Variants in PLCB1 observed in about 807,000 individuals in gnomAD.
PLCB1 encodes phospholipase C beta 1.
A neutral mutation model predicts 161.8 loss-of-function variants in PLCB1; 46 were observed. That is an observed-to-expected ratio of 0.28 (90% CI 0.22 to 0.36). The LOEUF (loss-of-function observed/expected upper bound fraction) is 0.36. Ranked by LOEUF, PLCB1 falls within the 10% of genes least tolerant of loss-of-function variation. PLCB1 has a pLI of 1.00. For missense variants in PLCB1, 1,016 were observed against 1,472.5 expected (o/e 0.69, Z 5.07); for synonymous variants, 517 against 503.7 (o/e 1.03, Z -0.35).
chr20:8,613,839 A>G (rs1161680394), intron 3 of PLCB1, among the ~76,000 whole-genome samples: 1 of 152,094 alleles, frequency 6.6e-6, no homozygotes, highest in African/African-American at 2.4e-5. Context: ...AATCAGAAAA[A>G]TTACAGTGAA....
intron 31 of PLCB1, among the ~76,000 whole-genome samples, chr20:8,851,283 C>G (rs1986875683): frequency 6.6e-6 from 1 of 152,186 alleles, no homozygotes; most frequent in African/African-American, 2.4e-5. Flanking sequence ...GCTTTTCACT[C>G]TTTTTCTTTA....
At chr20:8,247,848 G>A (rs1275184176) in intron 2 of PLCB1, among the ~76,000 whole-genome samples, 1 of 151,932 alleles carries the variant, frequency 6.6e-6, no homozygotes, top group African/African-American at 2.4e-5. Flanking sequence ...TCTTTCAAGT[G>A]TCCAGATTGC....
chr20:8,258,311 C>T (rs1393524935), intron 2 of PLCB1, among the ~76,000 whole-genome samples: 1 of 152,246 alleles, frequency 6.6e-6, no homozygotes, highest in East Asian at 1.9e-4. Context: ...TTATAGTTCT[C>T]TTCATAGATC....
At chr20:8,645,428 A>G (rs1233449318) in intron 4 of PLCB1, among the ~76,000 whole-genome samples, 4 of 152,250 alleles carry the variant, frequency 2.6e-5, no homozygotes, top group Admixed American at 2.6e-4. Flanking sequence ...TAGGGGTTTC[A>G]GCCCAGAATG....
intron 2 of PLCB1, among the ~76,000 whole-genome samples, chr20:8,190,339 G>T (rs2051954967): frequency 6.6e-6 from 1 of 152,034 alleles, no homozygotes; most frequent in African/African-American, 2.4e-5. Context: ...GCTATTGAAA[G>T]TATTTAGAGT....
intron 3 of PLCB1, among the ~76,000 whole-genome samples, chr20:8,421,106 A>G (rs1979520712): frequency 6.6e-6 from 1 of 152,214 alleles, no homozygotes; most frequent in African/African-American, 2.4e-5. Context: ...AAGAGTGAAC[A>G]GCATCATTAT....
chr20:8,879,990 C>A (rs1987914948), intron 31 of PLCB1, among the ~76,000 whole-genome samples: 1 of 152,066 alleles, frequency 6.6e-6, no homozygotes, highest in African/African-American at 2.4e-5. Flanking sequence ...CTTGGCATCC[C>A]CCAAGAGCTA....
intron 3 of PLCB1, among the ~76,000 whole-genome samples, chr20:8,574,920 T>C (rs1204493235): frequency 6.6e-6 from 1 of 152,088 alleles, no homozygotes; most frequent in Non-Finnish European, 1.5e-5. Context: ...TTCAATAAGA[T>C]GGTAAAGAGA....
At chr20:8,690,316 C>A (rs970893399) in intron 10 of PLCB1, among the ~76,000 whole-genome samples, 3 of 152,072 alleles carry the variant, frequency 2.0e-5, no homozygotes, top group Non-Finnish European at 4.4e-5. Flanking sequence ...TTACTTATTG[C>A]AAGGCAGTGG....
chr20:8,365,959 C>T (rs568118204), intron 2 of PLCB1, among the ~76,000 whole-genome samples: 5 of 151,912 alleles, frequency 3.3e-5, no homozygotes, highest in Non-Finnish European at 7.4e-5. Flanking sequence ...TGTATTTCCT[C>T]CTCAGTTTGA....
intron 2 of PLCB1, among the ~76,000 whole-genome samples, chr20:8,234,023 G>T (rs1980201164): frequency 6.6e-6 from 1 of 152,090 alleles, no homozygotes; most frequent in African/African-American, 2.4e-5. Flanking sequence ...TCATAGCATT[G>T]CTATGGGTAT....
intron 1 of PLCB1, among the ~76,000 whole-genome samples, chr20:8,146,111 T>G (rs1032070043): frequency 7.9e-5 from 12 of 151,664 alleles, no homozygotes; most frequent in East Asian, 1.9e-4. Flanking sequence ...TTTTGTTTTT[T>G]TTTTTTTTGG....
At chr20:8,694,995 A>G (rs1046624674) in intron 10 of PLCB1, among the ~76,000 whole-genome samples, 2 of 152,236 alleles carry the variant, frequency 1.3e-5, no homozygotes, top group Non-Finnish European at 2.9e-5. Flanking sequence ...CCTAATGCAG[A>G]AAAGACCTTT....
At chr20:8,794,884 C>A (rs766930571) in intron 31 of PLCB1, among the ~76,000 whole-genome samples, 16 of 152,176 alleles carry the variant, frequency 1.1e-4, no homozygotes, top group Non-Finnish European at 1.8e-4. Flanking sequence ...AACAGTTTTT[C>A]AGTGGCAAAG....
intron 3 of PLCB1, among the ~76,000 whole-genome samples, chr20:8,558,305 A>G (rs1986028137): frequency 6.6e-6 from 1 of 151,898 alleles, no homozygotes; most frequent in Non-Finnish European, 1.5e-5. Flanking sequence ...CCTACTATGT[A>G]TCCACAAAAT....
intron 3 of PLCB1, among the ~76,000 whole-genome samples, chr20:8,603,125 A>C (rs1383333587): frequency 6.6e-6 from 1 of 152,236 alleles, no homozygotes; most frequent in Non-Finnish European, 1.5e-5. Context: ...ATGCTCTAGC[A>C]AAAATAAATT....
At chr20:8,319,624 A>G (rs991711839) in intron 2 of PLCB1, among the ~76,000 whole-genome samples, 5 of 152,090 alleles carry the variant, frequency 3.3e-5, no homozygotes, top group Admixed American at 6.6e-5. Flanking sequence ...AGGGCCATCT[A>G]TGTAGTCCAC....
intron 31 of PLCB1, among the ~76,000 whole-genome samples, chr20:8,859,496 T>A (rs35509546): frequency 3.9e-5 from 6 of 152,142 alleles, no homozygotes; most frequent in Admixed American, 1.3e-4. Context: ...CTTTCTAAAG[T>A]TCTGCTCTCC....
intron 31 of PLCB1, among the ~76,000 whole-genome samples, chr20:8,859,407 T>G (rs1404903964): frequency 6.6e-6 from 1 of 152,194 alleles, no homozygotes; most frequent in African/African-American, 2.4e-5. Flanking sequence ...CTTGTTAATA[T>G]GCAAATTCTC....
Sources: allele counts gnomAD v4.1 joint callset (sites outside exome capture counted in the v4.1 genomes callset), GRCh38; gene constraint gnomAD v4.1.1; transcripts MANE v1.5; gene names NCBI Gene and HGNC (gene_info 2026-07-23, HGNC 2026-07-21).